Variants in LRRC4C observed in about 807,000 individuals in gnomAD.
LRRC4C encodes leucine rich repeat containing 4C.
In LRRC4C, 5 loss-of-function variants were observed where a neutral mutation model predicts 33.6. That is an observed-to-expected ratio of 0.15 (90% confidence interval 0.08 to 0.31). LRRC4C has a LOEUF of 0.31. LRRC4C is among the 10% of genes least tolerant of loss of function. The pLI is 1.00. For missense variants in LRRC4C, 560 were observed against 796.7 expected (o/e 0.70, Z 3.58); for synonymous variants, 329 against 302.0 (o/e 1.09, Z -0.93).
At chr11:41,004,446 G>C (rs1375140167) in intron 1 of LRRC4C, among the ~76,000 whole-genome samples, 1 of 152,062 alleles carries the variant, frequency 6.6e-6, no homozygotes, top group African/African-American at 2.4e-5. Context: ...ACATGAGAAA[G>C]GGTTAAAATT....
intron 1 of LRRC4C, among the ~76,000 whole-genome samples, chr11:41,043,517 A>G (rs895639501): frequency 5.3e-5 from 8 of 152,142 alleles, no homozygotes; most frequent in Non-Finnish European, 7.4e-5. Flanking sequence ...TTCCAAATCA[A>G]TAATGATATC....
intron 1 of LRRC4C, among the ~76,000 whole-genome samples, chr11:41,369,824 A>G (rs1010066140): frequency 3.3e-5 from 5 of 152,156 alleles, no homozygotes; most frequent in African/African-American, 1.2e-4. Flanking sequence ...TTTGCTCTTT[A>G]GATGGTCCAC....
At chr11:41,176,865 T>C (rs1590845041) in intron 1 of LRRC4C, among the ~76,000 whole-genome samples, 1 of 152,076 alleles carries the variant, frequency 6.6e-6, no homozygotes. Flanking sequence ...CTGGGGAGGC[T>C]GAGGCAGAAG....
At chr11:40,645,873 CT>C (rs927033969) in intron 3 of LRRC4C, among the ~76,000 whole-genome samples, 3 of 152,172 alleles carry the variant, frequency 2.0e-5, no homozygotes, top group Admixed American at 2.0e-4. Context: ...TAAAGTCCCT[CT>C]ATTTTTCGGG....
intron 3 of LRRC4C, among the ~76,000 whole-genome samples, chr11:40,634,850 A>T (rs1312969209): frequency 6.6e-6 from 1 of 152,078 alleles, no homozygotes; most frequent in Non-Finnish European, 1.5e-5. Flanking sequence ...TGATAGCGCC[A>T]TTGTTCTCCT....
chr11:40,569,650 A>G (rs1311044382), intron 3 of LRRC4C, among the ~76,000 whole-genome samples: 5 of 152,144 alleles, frequency 3.3e-5, no homozygotes, highest in African/African-American at 4.8e-5. Flanking sequence ...TCTACAGGGA[A>G]GTTTGATGAT....
chr11:40,698,793 G>A (rs779192457), intron 2 of LRRC4C, among the ~76,000 whole-genome samples: 32 of 152,078 alleles, frequency 2.1e-4, no homozygotes, highest in Non-Finnish European at 5.9e-5. Flanking sequence ...TTACATTGAG[G>A]CAGACGAGAG....
At chr11:40,475,577 T>A (rs1211679789) in intron 3 of LRRC4C, among the ~76,000 whole-genome samples, 1 of 152,164 alleles carries the variant, frequency 6.6e-6, no homozygotes, top group Non-Finnish European at 1.5e-5. Flanking sequence ...TCTGCCCATG[T>A]ATCCCAGAAC....
rs180718812 is a variant in LRRC4C, at chr11:41,307,548, T to C, written c.-496+151883A>G. On this transcript the variant is annotated intron_variant, in intron 1 of 6. Coordinates refer to ENST00000528697, the MANE Select transcript of LRRC4C (RefSeq NM_001258419.2). ...CTTACAAACACAGCCTTGTTGCATGTGGGCTGAGCAAACAGACACCATTGT... is the reference window on the plus strand; with the variant it reads ...CTTACAAACACAGCCTTGTTGCATGCGGGCTGAGCAAACAGACACCATTGT... Among the ~76,000 whole-genome samples the C allele has an allele frequency of 5.1e-4, 77 of 152,264 alleles. No homozygotes were observed. The East Asian group carries it at 9.1e-3, about 18-fold the overall frequency.
At chr11:40,317,751 AC>A (rs1169313832) in intron 4 of LRRC4C, among the ~76,000 whole-genome samples, 1 of 152,118 alleles carries the variant, frequency 6.6e-6, no homozygotes, top group Non-Finnish European at 1.5e-5. Flanking sequence ...AAGTTACAAC[AC>A]TACGCTACTC....
chr11:41,287,042 T>A (rs1383113889), intron 1 of LRRC4C, among the ~76,000 whole-genome samples: 3 of 152,180 alleles, frequency 2.0e-5, no homozygotes, highest in African/African-American at 7.2e-5. Context: ...CTAGAAATAG[T>A]GCTAGTTGAT....
chr11:40,482,360 A>G (rs910071084), intron 3 of LRRC4C, among the ~76,000 whole-genome samples: 1 of 152,212 alleles, frequency 6.6e-6, no homozygotes, highest in Non-Finnish European at 1.5e-5. Flanking sequence ...ATAAAGTCCT[A>G]TGAGTTTTCA....
intron 1 of LRRC4C, among the ~76,000 whole-genome samples, chr11:41,171,007 T>G (rs1182931468): frequency 2.0e-5 from 3 of 152,044 alleles, no homozygotes; most frequent in African/African-American, 7.3e-5. Flanking sequence ...GAAAAAATGC[T>G]CATCATCACT....
At chr11:40,294,611 GA>G (rs1260311896) in intron 4 of LRRC4C, among the ~76,000 whole-genome samples, 5 of 152,016 alleles carry the variant, frequency 3.3e-5, no homozygotes, top group Non-Finnish European at 7.4e-5. Context: ...GGCGGATCAT[GA>G]GGTCAGGAGA....
intron 3 of LRRC4C, among the ~76,000 whole-genome samples, chr11:40,586,221 C>T (rs530946452): frequency 3.0e-3 from 460 of 152,152 alleles, no homozygotes; most frequent in Middle Eastern, 0.01. Flanking sequence ...TCTCTGATGA[C>T]CAGTGATGAT....
intron 2 of LRRC4C, among the ~76,000 whole-genome samples, chr11:40,912,795 G>T (rs1444207143): frequency 6.6e-6 from 1 of 152,078 alleles, no homozygotes; most frequent in Admixed American, 6.6e-5. Flanking sequence ...CTGTATTCAG[G>T]AAACCCATCT....
At chr11:41,242,710 T>TA (rs946694237) in intron 1 of LRRC4C, among the ~76,000 whole-genome samples, 2 of 152,130 alleles carry the variant, frequency 1.3e-5, no homozygotes, top group African/African-American at 4.8e-5. Context: ...TCCTTGACCT[T>TA]AAAATCACCT....
intron 3 of LRRC4C, among the ~76,000 whole-genome samples, chr11:40,501,717 C>T (rs568846999): frequency 6.6e-6 from 1 of 152,222 alleles, no homozygotes; most frequent in South Asian, 2.1e-4. Flanking sequence ...CCTCCTAGGC[C>T]TCTGGGTCTG....
intron 2 of LRRC4C, among the ~76,000 whole-genome samples, chr11:40,781,028 C>T (rs1315857253): frequency 6.6e-6 from 1 of 152,086 alleles, no homozygotes; most frequent in Non-Finnish European, 1.5e-5. Flanking sequence ...GTGCAAGCAT[C>T]AGAGAGTGTA....
Sources: gnomAD v4.1 joint callset for allele counts (sites outside exome capture counted in the v4.1 genomes callset) on GRCh38, gnomAD v4.1.1 for gene constraint, MANE v1.5 for transcripts, NCBI Gene and HGNC (gene_info 2026-07-23, HGNC 2026-07-21) for gene names.